Variants in EYS observed in about 807,000 individuals in gnomAD.
The protein encoded by EYS is protein eyes shut homolog.
EYS carries 250 observed loss-of-function variants against 282.1 expected under a neutral mutation model. That is an observed-to-expected ratio of 0.89 (90% CI 0.80 to 0.98). EYS has a LOEUF of 0.98. Among genes scored for constraint, EYS ranks in the 50% least tolerant of loss-of-function variants. The pLI is 0.00. For missense variants in EYS, 4,016 were observed against 3,709.0 expected (o/e 1.08, Z -2.15); for synonymous variants, 1,355 against 1,282.9 (o/e 1.06, Z -1.20).
chr6:65,286,965 A>T (rs770070644), intron 12 of EYS, among the ~76,000 whole-genome samples: 2 of 151,480 alleles, frequency 1.3e-5, no homozygotes, highest in Non-Finnish European at 3.0e-5. Flanking sequence ...TAAATTACGT[A>T]AAGCCGGGAG....
intron 36 of EYS, among the ~76,000 whole-genome samples, chr6:63,852,084 G>A (rs1427919092): frequency 1.4e-5 from 2 of 147,792 alleles, no homozygotes; most frequent in Non-Finnish European, 3.0e-5. Context: ...GTGAACCCGG[G>A]AGGCGGAGCT....
At chr6:65,367,095 G>A (rs1764942349) in intron 8 of EYS, among the ~76,000 whole-genome samples, 2 of 151,620 alleles carry the variant, frequency 1.3e-5, no homozygotes, top group South Asian at 4.1e-4. Context: ...AGGACACAGA[G>A]GACACAGGGG....
At chr6:65,590,323 A>T (rs1765187966) in intron 2 of EYS, among the ~76,000 whole-genome samples, 1 of 152,072 alleles carries the variant, frequency 6.6e-6, no homozygotes. Flanking sequence ...TAGACATATC[A>T]ACACAAAACT....
chr6:64,808,662 T>C (rs1764507799), intron 22 of EYS, among the ~76,000 whole-genome samples: 1 of 152,030 alleles, frequency 6.6e-6, no homozygotes, highest in Non-Finnish European at 1.5e-5. Context: ...ATACAACTCT[T>C]CTGTGTTGAT....
chr6:64,975,406 C>A (rs922987058), intron 14 of EYS, among the ~76,000 whole-genome samples: 1 of 151,806 alleles, frequency 6.6e-6, no homozygotes, highest in South Asian at 2.1e-4. Context: ...GAGGAAAGGG[C>A]TCTGGTTATT....
chr6:65,374,614 T>A (rs1186387256), intron 8 of EYS, among the ~76,000 whole-genome samples: 1 of 151,928 alleles, frequency 6.6e-6, no homozygotes, highest in Non-Finnish European at 1.5e-5. Flanking sequence ...GCTCAGCTGG[T>A]CCCACTCCCT....
At chr6:64,827,018 A>G (rs1173770037) in intron 19 of EYS, among the ~76,000 whole-genome samples, 1 of 151,852 alleles carries the variant, frequency 6.6e-6, no homozygotes, top group Admixed American at 6.6e-5. Context: ...ACCTGATTGA[A>G]TAATACAATC....
intron 22 of EYS, among the ~76,000 whole-genome samples, chr6:64,774,159 A>T (rs1026988817): frequency 5.3e-5 from 8 of 151,960 alleles, no homozygotes. Context: ...AAAACTCTAG[A>T]TTCTACCCAC....
chr6:65,651,053 A>G (rs1358352391), intron 1 of EYS, among the ~76,000 whole-genome samples: 1 of 152,088 alleles, frequency 6.6e-6, no homozygotes, highest in Non-Finnish European at 1.5e-5. Context: ...AACAAATTTA[A>G]ATATAAAAAC....
intron 12 of EYS, among the ~76,000 whole-genome samples, chr6:65,247,113 G>A (rs908605943): frequency 6.6e-6 from 1 of 152,010 alleles, no homozygotes; most frequent in Admixed American, 6.6e-5. Flanking sequence ...TTTTAACTAA[G>A]GCCTGAGTAA....
At chr6:64,242,144 AC>A (rs557566705) in intron 30 of EYS, among the ~76,000 whole-genome samples, 23 of 152,060 alleles carry the variant, frequency 1.5e-4, no homozygotes, top group Admixed American at 3.9e-4. Context: ...TGTTCTGTTG[AC>A]TTGGAGTGGA....
chr6:64,712,477 A>G (rs1319385220), intron 22 of EYS, among the ~76,000 whole-genome samples: 1 of 152,210 alleles, frequency 6.6e-6, no homozygotes, highest in East Asian at 1.9e-4. Flanking sequence ...GATTATGGAA[A>G]CTTTATGTTC....
At chr6:64,870,361 G>C (rs1011731227) in intron 19 of EYS, among the ~76,000 whole-genome samples, 1 of 150,600 alleles carries the variant, frequency 6.6e-6, no homozygotes, top group African/African-American at 2.4e-5. Context: ...CCTTGATACA[G>C]AGTCAGCTTA....
chr6:65,553,006 T>C (rs907469178), intron 2 of EYS, among the ~76,000 whole-genome samples: 2 of 152,192 alleles, frequency 1.3e-5, no homozygotes, highest in African/African-American at 4.8e-5. Flanking sequence ...ATCGGCACTT[T>C]GGTTTTGGGA....
intron 22 of EYS, among the ~76,000 whole-genome samples, chr6:64,736,455 T>A (rs578206682): frequency 2.6e-5 from 4 of 152,298 alleles, no homozygotes; most frequent in African/African-American, 9.6e-5. Context: ...CAGTCTTTAC[T>A]CTTTTAGTGG....
intron 5 of EYS, among the ~76,000 whole-genome samples, chr6:65,480,820 C>A (rs1765580529): frequency 6.6e-6 from 1 of 151,986 alleles, no homozygotes; most frequent in South Asian, 2.1e-4. Flanking sequence ...CATGGATAAA[C>A]CTGTAGGATA....
chr6:63,939,222 T>C (rs1765161534), intron 35 of EYS, among the ~76,000 whole-genome samples: 1 of 151,954 alleles, frequency 6.6e-6, no homozygotes, highest in Non-Finnish European at 1.5e-5. Flanking sequence ...ATCTCTAAAA[T>C]TACTCTTTCA....
intron 30 of EYS, among the ~76,000 whole-genome samples, chr6:64,257,378 A>C (rs977107963): frequency 1.3e-5 from 2 of 151,936 alleles, no homozygotes; most frequent in Non-Finnish European, 2.9e-5. Flanking sequence ...GCTTTCTTTA[A>C]GCCATCACCC....
chr6:65,153,915 C>T (rs552962017), intron 12 of EYS, among the ~76,000 whole-genome samples: 37 of 151,870 alleles, frequency 2.4e-4, no homozygotes, highest in African/African-American at 7.2e-4. Context: ...TTAATAGATA[C>T]ATTATTATCA....
Sources: allele counts gnomAD v4.1 joint callset (sites outside exome capture counted in the v4.1 genomes callset), GRCh38; gene constraint gnomAD v4.1.1; transcripts MANE v1.5; gene names NCBI Gene and HGNC (gene_info 2026-07-23, HGNC 2026-07-21).